Variants in SLC25A16 observed in about 807,000 individuals in gnomAD.
SLC25A16 encodes mitochondrial coenzyme A transporter SLC25A16.
In SLC25A16, 39 loss-of-function variants were observed where a neutral mutation model predicts 41.5. That is an observed-to-expected ratio of 0.94 (90% CI 0.73 to 1.23). The LOEUF (loss-of-function observed/expected upper bound fraction) is 1.23. SLC25A16 is among the 50% of genes most tolerant of loss of function. The pLI, the probability that SLC25A16 is intolerant of heterozygous loss-of-function variation, is 0.00. For missense variants in SLC25A16, 421 were observed against 426.9 expected (o/e 0.99, Z 0.12); for synonymous variants, 146 against 147.8 (o/e 0.99, Z 0.09).
At chr10:68,504,320 T>A (rs1459900642) in intron 3 of SLC25A16, among the ~76,000 whole-genome samples, 6 of 151,550 alleles carry the variant, frequency 4.0e-5, no homozygotes, top group Non-Finnish European at 8.8e-5. Context: ...CCCAGCCTAA[T>A]TTTTTATTTT....
In SLC25A16 at chr10:68,479,817, CAAAAA is replaced by C. The variant is rs11361421; in HGVS notation, c.*3610_*3614del. The C allele has an allele frequency of 5.2e-5, 5 of 96,302 alleles. No individual in the cohort carries two copies. Among genetic ancestry groups the C allele is most frequent in the Non-Finnish European group, 6.2e-5 (3 of 48,304 alleles). The allele number at this position is 96,302 out of a possible 1,614,324, so 6.0% of individuals were successfully genotyped here. On this transcript the variant is annotated 3_prime_UTR_variant, in exon 9 of 9. Transcript: ENST00000609923. ...TGGGCAACAGAGTGAGGCTCTGTCT[CAAAAA>C]AAAAAAAAAAAAAGAAAGAAAAGAA...
intron 1 of SLC25A16, among the ~76,000 whole-genome samples, chr10:68,520,214 C>T (rs1475589765): frequency 6.6e-6 from 1 of 151,910 alleles, no homozygotes; most frequent in Non-Finnish European, 1.5e-5. Context: ...GCCTCTACCT[C>T]CCAAAGTACT....
Position 68,493,451 on chromosome 10 carries a change from TTGCATAAA to T in SLC25A16, c.533_540del (p.Ile178LysfsTer54), listed in dbSNP as rs1346244004. 2.5e-6 allele frequency: 4 copies of T among 1,612,672 alleles called. No individual in the cohort carries two copies. In the Admixed American group the frequency reaches 6.7e-5, roughly 27 times the overall value. ...TGAGGAAGGTAAATATGAAATACCT[TTGCATAAA>T]TTGTTTTGAAAGCATGAATAATTCC... is the stretch of plus-strand genomic sequence containing the variant. On this transcript the variant is annotated frameshift_variant, in exon 5 of 9. Transcript: ENST00000609923. LOFTEE classifies it high-confidence loss of function.
intron 8 of SLC25A16, among the ~76,000 whole-genome samples, chr10:68,486,886 G>A (rs573080832): frequency 6.7e-6 from 1 of 149,468 alleles, no homozygotes; most frequent in African/African-American, 2.5e-5. Flanking sequence ...GAACCCAGGA[G>A]GCGGAGGTTA....
intron 4 of SLC25A16, chr10:68,503,149 A>G (rs957565946): frequency 6.6e-6 from 1 of 152,486 alleles, no homozygotes; most frequent in African/African-American, 2.4e-5. Flanking sequence ...TTTGAAAAGT[A>G]ATGGCTGGTC....
intron 4 of SLC25A16, among the ~76,000 whole-genome samples, chr10:68,501,657 T>G (rs1341073697): frequency 6.8e-6 from 1 of 147,250 alleles, no homozygotes; most frequent in Non-Finnish European, 1.5e-5. Flanking sequence ...TGCAGTAGTG[T>G]GTGCCTCTAG....
intron 4 of SLC25A16, among the ~76,000 whole-genome samples, chr10:68,501,538 AGAGGAGAGGAGAGAAT>A (rs1239855096): frequency 1.4e-5 from 2 of 146,606 alleles, no homozygotes; most frequent in African/African-American, 5.0e-5. Flanking sequence ...AAAGAGGAGA[AGAGGAGAGGAGAGAAT>A]GAGGGGAGGG....
At chr10:68,489,290 C>G (rs913380107) in intron 6 of SLC25A16, among the ~76,000 whole-genome samples, 3 of 151,588 alleles carry the variant, frequency 2.0e-5, no homozygotes, top group Non-Finnish European at 4.4e-5. Flanking sequence ...CAAAACAAAA[C>G]AAAAAAACAG....
chr10:68,517,368 G>GTTT (rs1350336134), intron 1 of SLC25A16: 2 of 426,894 alleles, frequency 4.7e-6, no homozygotes, highest in African/African-American at 4.3e-5. Flanking sequence ...GTGCCACTGG[G>GTTT]GAAAAGTATA....
At chr10:68,515,574 G>T (rs375729996) in intron 2 of SLC25A16, among the ~76,000 whole-genome samples, 58 of 151,844 alleles carry the variant, frequency 3.8e-4, no homozygotes, top group African/African-American at 1.4e-3. Flanking sequence ...CGAGGCGGGC[G>T]GGTCACCTGA....
rs2052478755 is a variant in SLC25A16 at position 68,481,029 on chromosome 10, G to T, written c.*2403C>A. 6.6e-6 allele frequency: 1 copy of T among 151,486 alleles called. No individual in the cohort carries two copies. The highest frequency in any genetic ancestry group is 6.6e-5 in the Admixed American group (1 of 15,160). 9.4% of individuals were successfully genotyped at this position (151,486 alleles called of 1,614,324 possible). Reference sequence around the variant, plus strand: ...TACAGGCTTTTATACAGCCACCCAGGCTGGAGTGCAATGGCGCAATCTTGG... The same window carrying T: ...TACAGGCTTTTATACAGCCACCCAGTCTGGAGTGCAATGGCGCAATCTTGG... On this transcript the variant is annotated 3_prime_UTR_variant, in exon 9 of 9. Coordinates refer to ENST00000609923, the MANE Select transcript of SLC25A16 (RefSeq NM_152707.4).
chr10:68,506,456 A>G (rs1328208787), intron 3 of SLC25A16, 129 bp downstream of exon 3: 7 of 693,544 alleles, frequency 1.0e-5, no homozygotes, highest in Non-Finnish European at 1.5e-5. Context: ...AATTAAAAAA[A>G]AAAAACCAAT....
intron 1 of SLC25A16, among the ~76,000 whole-genome samples, chr10:68,522,597 C>A (rs1008652760): frequency 7.2e-5 from 11 of 151,968 alleles, no homozygotes; most frequent in Admixed American, 5.9e-4. Context: ...AGGCGGATCA[C>A]GAGGTCAGGA....
intron 3 of SLC25A16, among the ~76,000 whole-genome samples, chr10:68,505,318 C>T (rs1005391281): frequency 6.6e-6 from 1 of 151,840 alleles, no homozygotes; most frequent in East Asian, 1.9e-4. Flanking sequence ...CACTGCACTC[C>T]AGCCTAGGTG....
intron 6 of SLC25A16, among the ~76,000 whole-genome samples, chr10:68,489,414 T>C (rs1046394454): frequency 2.6e-5 from 4 of 152,198 alleles, no homozygotes; most frequent in Non-Finnish European, 5.9e-5. Context: ...AGAGAAGCGT[T>C]TATGTTAATT....
At chr10:68,519,033 A>C (rs1257047447) in intron 1 of SLC25A16, among the ~76,000 whole-genome samples, 1 of 151,202 alleles carries the variant, frequency 6.6e-6, no homozygotes, top group African/African-American at 2.4e-5. Context: ...TCTCTACTAA[A>C]AATACAAAAT....
intron 6 of SLC25A16, among the ~76,000 whole-genome samples, chr10:68,492,571 C>A (rs2052677956): frequency 6.6e-6 from 1 of 151,938 alleles, no homozygotes; most frequent in Non-Finnish European, 1.5e-5. Context: ...GAGTTTGAGA[C>A]CAGCCTGACC....
At chr10:68,483,798 G>A (rs938286181) in intron 8 of SLC25A16, among the ~76,000 whole-genome samples, 6 of 152,066 alleles carry the variant, frequency 3.9e-5, no homozygotes, top group African/African-American at 1.4e-4. Flanking sequence ...GAGTAGCTGG[G>A]ATTACAGGCA....
At chr10:68,517,356 A>C in intron 1 of SLC25A16, 3 of 518,638 alleles carry the variant, frequency 5.8e-6, no homozygotes, top group Non-Finnish European at 7.4e-6. Flanking sequence ...CGACCCTACC[A>C]TGTGCCACTG....
Sources: allele counts gnomAD v4.1 joint callset (sites outside exome capture counted in the v4.1 genomes callset), GRCh38; gene constraint gnomAD v4.1.1; transcripts MANE v1.5; gene names NCBI Gene and HGNC (gene_info 2026-07-23, HGNC 2026-07-21).